ZC3HC1: variants seen among roughly 807,000 people sequenced by gnomAD.
ZC3HC1 encodes the protein zinc finger C3HC-type containing 1.
ZC3HC1 carries 38 observed loss-of-function variants against 61.9 expected under a neutral mutation model. The ratio of observed to expected loss-of-function variants is 0.61; its 90% CI spans 0.47 to 0.81. The LOEUF (loss-of-function observed/expected upper bound fraction) is 0.81, where lower values mean the gene tolerates loss of function less well. ZC3HC1 is among the 30% of genes least tolerant of loss of function. ZC3HC1 has a pLI of 0.00. For synonymous variants in ZC3HC1, 213 were observed against 229.9 expected (o/e 0.93, Z 0.67); for missense variants, 554 against 622.7 (o/e 0.89, Z 1.17).
Position 130,023,811 on chromosome 7 carries a change from T to A in ZC3HC1, c.1021-88A>T. 7 of 1,229,708 alleles carry A rather than the reference T, an allele frequency of 5.7e-6. No homozygotes were observed. The highest frequency in any genetic ancestry group is 7.8e-6 in the Non-Finnish European group (7 of 898,482). The allele number at this position is 1,229,708 out of a possible 1,614,324, so 76.2% of individuals were successfully genotyped here. ...TTCTTTCTTTAATCTTTTTTCTTTT[T>A]TTTTTTGAGACAGAGTCTCGCTTTG... On this transcript the variant is annotated intron_variant, in intron 7 of 9. Coordinates refer to ENST00000358303, the MANE Select transcript of ZC3HC1 (RefSeq NM_016478.5). The surrounding 1 kb of genome is among the most constrained non-coding windows in gnomAD (Gnocchi z 4.2).
At chr7:130,041,765 G>A (rs1794684280) in intron 2 of ZC3HC1, among the ~76,000 whole-genome samples, 1 of 151,916 alleles carries the variant, frequency 6.6e-6, no homozygotes, top group Non-Finnish European at 1.5e-5. Context: ...GTGACCTCGT[G>A]ATCCACCCAC....
Position 130,023,788 on chromosome 7 carries a change from C to T in ZC3HC1, c.1021-65G>A. The T allele has an allele frequency of 3.8e-6, 5 of 1,316,316 alleles. No homozygotes were observed. The highest frequency in any genetic ancestry group is 2.3e-5 in the Admixed American group (1 of 42,776). The allele number at this position is 1,316,316 out of a possible 1,614,324, so 81.5% of individuals were successfully genotyped here. On this transcript the variant is annotated intron_variant, in intron 7 of 9. Coordinates refer to ENST00000358303, the MANE Select transcript of ZC3HC1 (RefSeq NM_016478.5). This position sits in a 1 kb window ranked among gnomAD's most constrained non-coding sequence, Gnocchi z 4.2. ...TTAATGATTATGGTCAGAAATACTTCTTTCTTTAATCTTTTTTCTTTTTTT... is the reference window on the plus strand; with the variant it reads ...TTAATGATTATGGTCAGAAATACTTTTTTCTTTAATCTTTTTTCTTTTTTT...
chr7:130,018,722 T>C lies in ZC3HC1; in HGVS notation c.1451A>G (p.Glu484Gly), dbSNP rs1793482804. 6.2e-7 allele frequency: 1 copy of C among 1,612,370 alleles called. No homozygotes were observed. The stretch of plus-strand genomic sequence containing the variant: ...TATTCGGAATACTTTCCTTGATTTC[T>C]CAGAGAGACTCTGTAGGTAGAAAAG... ...PAETDSMSLSEKSRKVFRIFR... is the reference protein window; with the variant it reads ...PAETDSMSLSGKSRKVFRIFR... The change falls in exon 10 of 10, where the codon GAG becomes GGG. Residue 484 changes from glutamate (E) to glycine (G), a missense_variant. Coordinates refer to ENST00000358303, the MANE Select transcript of ZC3HC1 (RefSeq NM_016478.5).
Position 130,039,456 on chromosome 7 carries a change from A to G in ZC3HC1, c.493+8T>C, listed in dbSNP as rs1794560081. Reference sequence around the variant, plus strand: ...AAATGGTGAACAGGAATTCTCAAAAATAAGTACCTGGGGATGGGCTGTCTG... The same window carrying G: ...AAATGGTGAACAGGAATTCTCAAAAGTAAGTACCTGGGGATGGGCTGTCTG... On this transcript the variant is annotated splice_region_variant and intron_variant, in intron 4 of 9. Transcript: ENST00000358303. 3.1e-6 allele frequency: 5 copies of G among 1,605,852 alleles called. No individual in the cohort carries two copies. The highest frequency in any genetic ancestry group is 4.2e-6 in the Non-Finnish European group (5 of 1,177,190).
rs1329895075 is a variant in ZC3HC1, at chr7:130,025,736, A to G, written c.776+422T>C. Among the ~76,000 whole-genome samples the G allele has an allele frequency of 1.9e-3, 294 of 151,952 alleles. 2 individuals carry two copies. Among genetic ancestry groups the G allele is most frequent in the African/African-American group, 6.7e-3 (277 of 41,472 alleles). Reference sequence around the variant, plus strand: ...ACAAAAAATTAGCTGGGCGTGTGGCAGGCACCTATAGTCCCAGCTACTCGG... The same window carrying G: ...ACAAAAAATTAGCTGGGCGTGTGGCGGGCACCTATAGTCCCAGCTACTCGG... On this transcript the variant is annotated intron_variant, in intron 6 of 9. Transcript: ENST00000358303.
At chr7:130,028,867 T>G (rs769344450) in intron 5 of ZC3HC1, 35 bp downstream of exon 5, 2 of 1,601,948 alleles carry the variant, frequency 1.2e-6, no homozygotes, top group Non-Finnish European at 8.5e-7. Context: ...TGGCAACAAC[T>G]GGAGGCCATT....
intron 9 of ZC3HC1, among the ~76,000 whole-genome samples, chr7:130,021,945 C>T (rs200165792): frequency 4.3e-4 from 66 of 152,156 alleles, no homozygotes; most frequent in Admixed American, 7.9e-4. Flanking sequence ...GAGGCCGAGG[C>T]GGGGGGATCA....
intron 5 of ZC3HC1, among the ~76,000 whole-genome samples, chr7:130,028,483 A>G (rs1794025667): frequency 6.6e-6 from 1 of 152,102 alleles, no homozygotes. Flanking sequence ...TGGAGGTTGC[A>G]GTGAGCCGAG....
At chr7:130,033,089 G>T (rs1287037607) in intron 4 of ZC3HC1, among the ~76,000 whole-genome samples, 1 of 152,172 alleles carries the variant, frequency 6.6e-6, no homozygotes, top group Non-Finnish European at 1.5e-5. Flanking sequence ...CTGCAGTGCA[G>T]TGGTGCAATC....
chr7:130,028,780 T>A, intron 5 of ZC3HC1, 122 bp downstream of exon 5: 3 of 1,334,106 alleles, frequency 2.2e-6, no homozygotes, highest in South Asian at 1.5e-5. Context: ...AAAGGTCAGA[T>A]GAGAGACAGA....
intron 4 of ZC3HC1, among the ~76,000 whole-genome samples, chr7:130,029,707 G>T (rs62491275): frequency 6.6e-6 from 1 of 152,088 alleles, no homozygotes; most frequent in East Asian, 1.9e-4. Context: ...ATACTATTCC[G>T]TGTACTTCTA....
At chr7:130,035,729 G>A (rs139610157) in intron 4 of ZC3HC1, among the ~76,000 whole-genome samples, 6 of 152,166 alleles carry the variant, frequency 3.9e-5, no homozygotes, top group Middle Eastern at 3.4e-3. Context: ...TGGTCCTCCC[G>A]CCTTGGCCTT....
chr7:130,050,059 G>A (rs1310619479), intron 1 of ZC3HC1, among the ~76,000 whole-genome samples: 3 of 151,976 alleles, frequency 2.0e-5, no homozygotes. Flanking sequence ...CAGTGCCTGG[G>A]GAATTGCTGA....
At chr7:130,030,480 G>A (rs1425601603) in intron 4 of ZC3HC1, among the ~76,000 whole-genome samples, 2 of 151,972 alleles carry the variant, frequency 1.3e-5, no homozygotes, top group East Asian at 1.9e-4. Context: ...GATTACAGGC[G>A]TAAGTCACCA....
intron 9 of ZC3HC1, among the ~76,000 whole-genome samples, chr7:130,021,451 C>G (rs539546220): frequency 6.6e-6 from 1 of 152,324 alleles, no homozygotes; most frequent in South Asian, 2.1e-4. Flanking sequence ...CACTTCCAAT[C>G]TTTACACAGA....
At chr7:130,026,116 G>A (rs763323082) in intron 6 of ZC3HC1, 42 bp downstream of exon 6, 1 of 1,596,534 alleles carries the variant, frequency 6.3e-7, no homozygotes, top group East Asian at 2.2e-5. Flanking sequence ...GTGTAATGCT[G>A]TTGTCATGGT....
At chr7:130,031,424 C>T (rs1794186701) in intron 4 of ZC3HC1, among the ~76,000 whole-genome samples, 1 of 151,986 alleles carries the variant, frequency 6.6e-6, no homozygotes, top group Non-Finnish European at 1.5e-5. Context: ...GGTGGAGCTC[C>T]TCCAAAGCCC....
chr7:130,040,383 A>G (rs1584588139), intron 3 of ZC3HC1, among the ~76,000 whole-genome samples: 1 of 142,576 alleles, frequency 7.0e-6, no homozygotes, highest in African/African-American at 3.0e-5. Context: ...AGTCCCAGCT[A>G]CTTGGGAGGC....
At position 130,024,339 on chromosome 7, in the gene ZC3HC1, A is replaced by G; in HGVS notation, c.944T>C (p.Leu315Ser). 1.9e-6 allele frequency: 3 copies of G among 1,614,018 alleles called. No homozygotes were observed. The highest frequency in any genetic ancestry group is 2.5e-6 in the Non-Finnish European group (3 of 1,179,948). ...CCGAGGAGATTCAGGCACCAGAGGT[A>G]AGCGCTCTGGTCGCCCCTCAAGGCC... ...IPGLEGRPER[L>S]PLVPESPRRM... Residue 315 changes from leucine (L) to serine (S), a missense_variant, in exon 7 of 10, where the codon TTA (leucine) becomes TCA (serine). Leu to Ser is a moderately radical substitution (Grantham distance 145). Transcript: ENST00000358303.
Sources: allele counts gnomAD v4.1 joint callset (sites outside exome capture counted in the v4.1 genomes callset), GRCh38; gene constraint gnomAD v4.1.1; non-coding constraint Gnocchi (gnomAD v3.1); transcripts MANE v1.5; gene names NCBI Gene and HGNC (gene_info 2026-07-23, HGNC 2026-07-21).